GLCE: variants seen among roughly 807,000 people sequenced by gnomAD.
The protein encoded by GLCE is glucuronic acid epimerase.
In GLCE, 19 loss-of-function variants were observed where a neutral mutation model predicts 47.9. The observed-to-expected ratio is 0.40, with a 90% CI of 0.28 to 0.58. The LOEUF is 0.58. Ranked by LOEUF, GLCE falls within the 20% of genes least tolerant of loss-of-function variation. The probability of loss-of-function intolerance (pLI) is 0.48; values close to 1 mark genes in which losing one functional copy is unlikely to be tolerated. For synonymous variants in GLCE, 245 were observed against 263.4 expected (o/e 0.93, Z 0.68); for missense variants, 556 against 743.3 (o/e 0.75, Z 2.93).
intron 1 of GLCE, among the ~76,000 whole-genome samples, chr15:69,190,584 A>G (rs1266077056): frequency 6.6e-6 from 1 of 152,146 alleles, no homozygotes; most frequent in Non-Finnish European, 1.5e-5. Context: ...TCTGTTATTA[A>G]TATAGATACT....
At chr15:69,186,009 A>G (rs554053553) in intron 1 of GLCE, among the ~76,000 whole-genome samples, 1 of 152,238 alleles carries the variant, frequency 6.6e-6, no homozygotes, top group African/African-American at 2.4e-5. Flanking sequence ...GTGGTTTATT[A>G]TAAAGGATAT....
intron 2 of GLCE, among the ~76,000 whole-genome samples, chr15:69,244,287 C>T (rs1039787638): frequency 2.0e-5 from 3 of 152,090 alleles, no homozygotes; most frequent in African/African-American, 7.2e-5. Context: ...CTGTCCCTTT[C>T]TAATATTAAT....
At chr15:69,261,410 T>A in intron 4 of GLCE, 81 bp downstream of exon 4, 1 of 1,355,816 alleles carries the variant, frequency 7.4e-7, no homozygotes, top group Non-Finnish European at 1.0e-6. Flanking sequence ...TTAATATGGT[T>A]TAAAAAAACA....
At chr15:69,185,656 ACAC>A (rs572226367) in intron 1 of GLCE, among the ~76,000 whole-genome samples, 150 of 152,062 alleles carry the variant, frequency 9.9e-4, no homozygotes, top group Non-Finnish European at 1.6e-3. Flanking sequence ...TTCTACTCTC[ACAC>A]CACCACAAAA....
At chr15:69,245,271 T>A (rs1195629111) in intron 2 of GLCE, among the ~76,000 whole-genome samples, 1 of 150,700 alleles carries the variant, frequency 6.6e-6, no homozygotes, top group Admixed American at 6.6e-5. Context: ...AGTTAGAGGT[T>A]TCAGTGAGCC....
At chr15:69,202,479 C>T (rs1007727977) in intron 1 of GLCE, among the ~76,000 whole-genome samples, 2 of 152,058 alleles carry the variant, frequency 1.3e-5, no homozygotes, top group African/African-American at 4.8e-5. Flanking sequence ...CACTGTGTGC[C>T]GAGTGTGGGT....
At chr15:69,221,306 A>T (rs1406105828) in intron 2 of GLCE, among the ~76,000 whole-genome samples, 2 of 152,236 alleles carry the variant, frequency 1.3e-5, no homozygotes, top group East Asian at 3.9e-4. Flanking sequence ...TTTGATAGTG[A>T]TTGCATTGAA....
intron 4 of GLCE, among the ~76,000 whole-genome samples, chr15:69,265,855 A>G (rs901289118): frequency 1.3e-5 from 2 of 152,186 alleles, no homozygotes; most frequent in African/African-American, 4.8e-5. Flanking sequence ...GTCATAGTTA[A>G]TAATCCCATC....
intron 2 of GLCE, among the ~76,000 whole-genome samples, chr15:69,223,211 T>G (rs1457647472): frequency 6.6e-6 from 1 of 152,234 alleles, no homozygotes; most frequent in East Asian, 1.9e-4. Context: ...CCTTATAGGT[T>G]TCCATTGATC....
chr15:69,164,716 A>G (rs2051478060), intron 1 of GLCE, among the ~76,000 whole-genome samples: 2 of 152,138 alleles, frequency 1.3e-5, no homozygotes, highest in South Asian at 4.1e-4. Context: ...ACCTAATTTT[A>G]GAAGCCTCTT....
chr15:69,236,938 C>G (rs992827267), intron 2 of GLCE, among the ~76,000 whole-genome samples: 2 of 152,092 alleles, frequency 1.3e-5, no homozygotes, highest in East Asian at 1.9e-4. Flanking sequence ...TCCTCTACCC[C>G]CCTTTTTATA....
intron 1 of GLCE, among the ~76,000 whole-genome samples, chr15:69,187,044 A>C (rs2051834189): frequency 6.6e-6 from 1 of 152,188 alleles, no homozygotes; most frequent in Non-Finnish European, 1.5e-5. Context: ...AAAGAATTTG[A>C]CTTATAAAAA....
chr15:69,189,001 A>G (rs2051874093), intron 1 of GLCE, among the ~76,000 whole-genome samples: 1 of 152,194 alleles, frequency 6.6e-6, no homozygotes, highest in Non-Finnish European at 1.5e-5. Flanking sequence ...GAAGTGGTAT[A>G]TTTGTTACAA....
intron 2 of GLCE, among the ~76,000 whole-genome samples, chr15:69,247,734 T>C (rs1446149863): frequency 6.6e-6 from 1 of 152,186 alleles, no homozygotes; most frequent in Admixed American, 6.5e-5. Flanking sequence ...TGGCCTAATG[T>C]CCATATTGGT....
In GLCE at chr15:69,269,517, C is replaced by T. The variant is rs1300641766; in HGVS notation, c.*273C>T. On this transcript the variant is annotated 3_prime_UTR_variant, in exon 5 of 5. Transcript: ENST00000261858. ...CCTTGCCCATCACCCTATACAGTTT[C>T]GCAGATAGTCTAGTCACTCTATGTG... is the stretch of plus-strand genomic sequence containing the variant. The T allele has an allele frequency of 1.2e-5, 5 of 409,262 alleles. No homozygotes were observed. The highest frequency in any genetic ancestry group is 4.3e-5 in the South Asian group (1 of 23,446). 25.4% of individuals were successfully genotyped at this position (409,262 alleles called of 1,614,324 possible).
At chr15:69,267,974 A>G (rs534976460) in intron 4 of GLCE, among the ~76,000 whole-genome samples, 20 of 152,240 alleles carry the variant, frequency 1.3e-4, no homozygotes, top group Admixed American at 1.2e-3. Flanking sequence ...ATCCTCTGCT[A>G]GAACCTAGAC....
intron 2 of GLCE, among the ~76,000 whole-genome samples, chr15:69,238,039 G>A (rs2052616370): frequency 1.3e-5 from 2 of 152,148 alleles, no homozygotes; most frequent in South Asian, 4.1e-4. Flanking sequence ...CACTGTAATT[G>A]TTCAGCTTTT....
intron 1 of GLCE, among the ~76,000 whole-genome samples, chr15:69,192,215 T>C (rs2051923647): frequency 6.6e-6 from 1 of 151,942 alleles, no homozygotes; most frequent in African/African-American, 2.4e-5. Context: ...ACAGAGGTCA[T>C]GGCATCTTTA....
intron 1 of GLCE, among the ~76,000 whole-genome samples, chr15:69,168,800 T>G (rs1771932962): frequency 6.6e-6 from 1 of 152,152 alleles, no homozygotes; most frequent in Admixed American, 6.5e-5. Flanking sequence ...CCAAAGTGCT[T>G]GGATTACAGG....
Sources: gnomAD v4.1 joint callset for allele counts (sites outside exome capture counted in the v4.1 genomes callset) on GRCh38, gnomAD v4.1.1 for gene constraint, MANE v1.5 for transcripts, NCBI Gene and HGNC (gene_info 2026-07-23, HGNC 2026-07-21) for gene names.